COL5A3: variants seen among roughly 807,000 people sequenced by gnomAD.
COL5A3 encodes collagen alpha-3(V) chain.
Under a neutral mutation model 250.0 loss-of-function variants are expected in COL5A3, and 172 were observed. The observed-to-expected ratio is 0.69, with a 90% CI of 0.61 to 0.78. COL5A3 has a LOEUF of 0.78. Among genes scored for constraint, COL5A3 ranks in the 30% least tolerant of loss-of-function variants. The pLI, the probability that COL5A3 is intolerant of heterozygous loss-of-function variation, is 0.00. For missense variants in COL5A3, 2,340 were observed against 2,334.4 expected, an observed-to-expected ratio of 1.00 and a Z score of -0.05; for synonymous variants, 937 against 900.4, an observed-to-expected ratio of 1.04 and a Z score of -0.73.
intron 4 of COL5A3, among the ~76,000 whole-genome samples, chr19:10,004,872 C>A (rs1435662770): frequency 6.6e-6 from 1 of 152,220 alleles, no homozygotes; most frequent in Non-Finnish European, 1.5e-5. Flanking sequence ...TCACAGCAAC[C>A]AGCACCATCT....
At chr19:9,996,368 C>T (rs2087272219) in intron 13 of COL5A3, 65 bp downstream of exon 13, 19 of 1,583,610 alleles carry the variant, frequency 1.2e-5, no homozygotes, top group Non-Finnish European at 1.5e-5. Flanking sequence ...TGCCCAGCCC[C>T]TCCTTACGCC....
In COL5A3 at chr19:9,986,759, C is replaced by T. The variant is rs1338491089; in HGVS notation, c.2146-1G>A. On this transcript the variant is annotated splice_acceptor_variant, in intron 27 of 66. Coordinates refer to ENST00000264828, the MANE Select transcript of COL5A3 (RefSeq NM_015719.4). LOFTEE classifies it high-confidence loss of function. The stretch of plus-strand genomic sequence containing the variant: ...GGAGGCCCCGGTTGCCTGAAGTGCC[C>T]TGGAAAATAAAAAAAAAAAGCTCTC... 6.3e-7 allele frequency: 1 copy of T among 1,581,170 alleles called. No homozygotes were observed. The highest frequency in any genetic ancestry group is 8.5e-7 in the Non-Finnish European group (1 of 1,172,840).
intron 1 of COL5A3, among the ~76,000 whole-genome samples, chr19:10,006,750 C>T (rs2087449888): frequency 6.6e-6 from 1 of 152,108 alleles, no homozygotes; most frequent in Non-Finnish European, 1.5e-5. Context: ...TGGATCTCCT[C>T]CCTCTGACCA....
chr19:9,969,990 G>T, intron 54 of COL5A3, 68 bp from the exon 55 acceptor site: 1 of 1,237,882 alleles, frequency 8.1e-7, no homozygotes, highest in Non-Finnish European at 1.2e-6. Flanking sequence ...AGTGGGGTCT[G>T]GGTGACTGGG....
Position 9,968,864 on chromosome 19 carries a change from C to A in COL5A3, c.4153-136G>T. The A allele has an allele frequency of 1.3e-6, 1 of 764,986 alleles. No individual in the cohort carries two copies. Among genetic ancestry groups the A allele is most frequent in the Non-Finnish European group, 2.2e-6 (1 of 461,928 alleles). The allele number at this position is 764,986 out of a possible 1,614,324, so 47.4% of individuals were successfully genotyped here. A position where few individuals can be genotyped will look rare whatever the true frequency, so the allele number is the denominator to read the frequency against. ...ACCAGGGATGAGGTCAAGGGATGGTCAGAGTAGGCCACCAAGGTGGGATGA... is the reference window on the plus strand; with the variant it reads ...ACCAGGGATGAGGTCAAGGGATGGTAAGAGTAGGCCACCAAGGTGGGATGA... On this transcript the variant is annotated intron_variant, in intron 57 of 66. Transcript: ENST00000264828. This position sits in a 1 kb window ranked among gnomAD's most constrained non-coding sequence, Gnocchi z 4.1.
At chr19:9,995,280 G>A (rs140281018) in intron 16 of COL5A3, among the ~76,000 whole-genome samples, 178 of 152,290 alleles carry the variant, frequency 1.2e-3, no homozygotes, top group African/African-American at 4.1e-3. Flanking sequence ...TTCCTTCCAT[G>A]TGACAGGCCT....
intron 27 of COL5A3, among the ~76,000 whole-genome samples, chr19:9,988,854 A>AG (rs1469453393): frequency 0.037 from 5,012 of 134,074 alleles, 237 homozygotes; most frequent in African/African-American, 0.09. Flanking sequence ...AAAAAAAAAA[A>AG]AAAAGAAAGT....
rs1291961005 is a variant in COL5A3 at position 9,996,684 on chromosome 19, A to G, written c.1269T>C (p.Pro423=). Residue 423 remains proline, a synonymous_variant, in exon 12 of 67, where the codon CCT becomes CCC. Coordinates refer to ENST00000264828, the MANE Select transcript of COL5A3 (RefSeq NM_015719.4). ...TGCCGGGGATTCCTGGGAGGCCAGC[A>G]GGGCCCTGAGAGAGGGATGGGGGAA... The part of the protein sequence containing the change: ...GFPGDPGPPG[P]AGLPGIPGID... The G allele has an allele frequency of 6.2e-7, 1 of 1,602,682 alleles. No homozygotes were observed. The highest frequency in any genetic ancestry group is 1.1e-5 in the South Asian group (1 of 89,272).
At chr19:10,007,919 TTC>T (rs141005538) in intron 1 of COL5A3, among the ~76,000 whole-genome samples, 13 of 149,632 alleles carry the variant, frequency 8.7e-5, no homozygotes, top group Non-Finnish European at 1.2e-4. Flanking sequence ...CCAAGTCTCT[TTC>T]TCTCTCTCTC....
chr19:9,961,838 G>A (rs564598870), intron 65 of COL5A3, among the ~76,000 whole-genome samples: 4 of 151,812 alleles, frequency 2.6e-5, no homozygotes, highest in Non-Finnish European at 4.4e-5. Context: ...GATTACAGGC[G>A]TGAGCCACTG....
At chr19:9,970,093 GGCT>G (rs1568407036) in intron 54 of COL5A3, among the ~76,000 whole-genome samples, 171 bp from the exon 55 acceptor site, 1 of 50,224 alleles carries the variant, frequency 2.0e-5, no homozygotes, top group Non-Finnish European at 3.9e-5. Flanking sequence ...TGGGGGCTGT[GGCT>G]GAGTGGAGGC....
At chr19:9,977,564 C>G (rs1473432703) in intron 42 of COL5A3, 30 bp downstream of exon 42, 5 of 1,543,678 alleles carry the variant, frequency 3.2e-6, no homozygotes, top group Non-Finnish European at 4.4e-6. Flanking sequence ...CCTGAGGAGG[C>G]CCTAGGAATG....
intron 8 of COL5A3, 107 bp from the exon 9 acceptor site, chr19:9,998,256 ACG>A (rs1491294961): frequency 1.4e-5 from 14 of 1,002,560 alleles, no homozygotes; most frequent in Non-Finnish European, 2.0e-5. Context: ...ACACACACAC[ACG>A]GAGTCCACCC....
intron 15 of COL5A3, 96 bp downstream of exon 15, chr19:9,995,970 C>T (rs1472948342): frequency 2.5e-6 from 3 of 1,219,608 alleles, no homozygotes; most frequent in Non-Finnish European, 3.4e-6. Flanking sequence ...AGGGTATCCC[C>T]AGCCCCTTTG....
At chr19:10,003,792 T>C in intron 5 of COL5A3, 78 bp from the exon 6 acceptor site, 1 of 1,574,344 alleles carries the variant, frequency 6.4e-7, no homozygotes, top group Non-Finnish European at 8.7e-7. Context: ...GGGGTGAGGC[T>C]GGCTCATGGC....
intron 27 of COL5A3, among the ~76,000 whole-genome samples, chr19:9,987,464 T>C (rs1441034008): frequency 6.6e-6 from 1 of 152,094 alleles, no homozygotes; most frequent in African/African-American, 2.4e-5. Flanking sequence ...AGGCTGGGCA[T>C]GGTGGCTTAC....
chr19:9,991,702 G>T (rs969544399), intron 23 of COL5A3, 48 bp from the exon 24 acceptor site: 73 of 1,605,234 alleles, frequency 4.5e-5, no homozygotes, highest in Non-Finnish European at 6.0e-5. Flanking sequence ...AAGAAGCGGT[G>T]AGTGTGGAGG....
rs1167629865 is a variant in COL5A3, at chr19:10,004,049, C to T, written c.691G>A (p.Ala231Thr). The change falls in exon 5 of 67, where the codon GCC becomes ACC. Residue 231 changes from alanine to threonine, a missense_variant. Physicochemically the swap from Ala to Thr is moderately conservative, Grantham distance 58. Around this residue, in one of 3 missense-constraint regions of COL5A3, gnomAD observed 1,152 missense variants for 1,146.3 expected, o/e 1.00. Transcript: ENST00000264828. ...TGGAGTCCCTCACTCACCACTGTGG[C>T]TGCCGGTGCCAGGTTGTCACAGTCG... ...LPDCDNLAPA[A>T]TVAPQGEPET... The T allele has an allele frequency of 1.2e-6, 2 of 1,613,444 alleles. No homozygotes were observed. Among genetic ancestry groups the T allele is most frequent in the Middle Eastern group, 1.7e-4 (1 of 6,060 alleles).
In COL5A3 at chr19:9,968,011, T is replaced by G. The variant is rs1406593342; in HGVS notation, c.4368+15A>C. 6.3e-7 allele frequency: 1 copy of G among 1,595,420 alleles called. No homozygotes were observed. The highest frequency in any genetic ancestry group is 8.5e-7 in the Non-Finnish European group (1 of 1,174,078). ...ACAGTGACCTCATCCCACAAAAGATTCCCTGCATACTCACCGCCACACCTG... is the reference window on the plus strand; with the variant it reads ...ACAGTGACCTCATCCCACAAAAGATGCCCTGCATACTCACCGCCACACCTG... On this transcript the variant is annotated intron_variant, in intron 60 of 66. Coordinates refer to ENST00000264828, the MANE Select transcript of COL5A3 (RefSeq NM_015719.4). This position sits in a 1 kb window ranked among gnomAD's most constrained non-coding sequence, Gnocchi z 4.1.
Sources: allele counts gnomAD v4.1 joint callset (sites outside exome capture counted in the v4.1 genomes callset), GRCh38; gene constraint gnomAD v4.1.1; regional missense constraint gnomAD v4.1.1; non-coding constraint Gnocchi (gnomAD v3.1); transcripts MANE v1.5; gene names NCBI Gene and HGNC (gene_info 2026-07-23, HGNC 2026-07-21).